The following ACTR3C variants were observed in gnomAD, a reference collection of about 807,000 sequenced individuals.
ACTR3C encodes the protein actin related protein 3C.
Under a neutral mutation model 26.3 loss-of-function variants are expected in ACTR3C, and 18 were observed. The observed-to-expected ratio is 0.68, with a 90% CI of 0.47 to 1.01. The LOEUF (loss-of-function observed/expected upper bound fraction) is 1.01, where lower values mean the gene tolerates loss of function less well. ACTR3C is among the 50% of genes least tolerant of loss of function. ACTR3C has a pLI of 0.00. For missense variants in ACTR3C, 184 were observed against 250.7 expected, an observed-to-expected ratio of 0.73 and a Z score of 1.80; for synonymous variants, 55 against 94.5, an observed-to-expected ratio of 0.58 and a Z score of 2.42.
At chr7:149,909,130 G>A in the ACTR3C span, among the ~76,000 whole-genome samples, 1 of 151,352 alleles carries the variant, frequency 6.6e-6, no homozygotes, top group Non-Finnish European at 1.5e-5. Flanking sequence ...GACTCCTACA[G>A]GAAATAAAGA....
chr7:150,235,673 C>A, the ACTR3C span, among the ~76,000 whole-genome samples: 3 of 152,116 alleles, frequency 2.0e-5, no homozygotes, highest in South Asian at 2.1e-4. Context: ...ATTCGGCTAC[C>A]AATTTAGCTT....
the ACTR3C span, among the ~76,000 whole-genome samples, chr7:150,115,302 C>T: frequency 1.3e-5 from 2 of 152,202 alleles, no homozygotes; most frequent in African/African-American, 4.8e-5. Flanking sequence ...TTCTCTCTGA[C>T]CTGGAAGAAT....
At chr7:150,196,282 T>C in the ACTR3C span, among the ~76,000 whole-genome samples, 4 of 152,376 alleles carry the variant, frequency 2.6e-5, no homozygotes, top group East Asian at 3.9e-4. Flanking sequence ...AACTCATGGA[T>C]GCTCTGTTCC....
the ACTR3C span, among the ~76,000 whole-genome samples, chr7:149,958,836 T>C: frequency 2.4e-4 from 36 of 152,232 alleles, no homozygotes; most frequent in African/African-American, 7.5e-4. Context: ...AGAAGCCAAG[T>C]TGGCATCTTA....
chr7:150,295,504 G>A (rs1402574576), intron 1 of ACTR3C, among the ~76,000 whole-genome samples, 157 bp from the exon 2 acceptor site: 1 of 152,294 alleles, frequency 6.6e-6, no homozygotes, highest in Non-Finnish European at 1.5e-5. Flanking sequence ...AAAGAAATCT[G>A]GCCGTGGGCC....
the ACTR3C span, among the ~76,000 whole-genome samples, chr7:150,055,491 GT>G: frequency 0.17 from 23,822 of 141,648 alleles, 1,901 homozygotes; most frequent in South Asian, 0.24. Flanking sequence ...GAGGGAGGGA[GT>G]TTTTTTTTTT....
the ACTR3C span, among the ~76,000 whole-genome samples, chr7:149,915,076 C>T: frequency 1.3e-5 from 2 of 152,182 alleles, no homozygotes; most frequent in South Asian, 2.1e-4. Context: ...AACGGGGTTT[C>T]ACCATGTTGG....
intron 1 of ACTR3C, among the ~76,000 whole-genome samples, chr7:150,296,602 A>G (rs1009475312): frequency 4.1e-5 from 6 of 144,732 alleles, no homozygotes; most frequent in African/African-American, 1.6e-4. Flanking sequence ...AAAACTGAAA[A>G]AATAAAAAGT....
At chr7:150,073,080 C>T in the ACTR3C span, among the ~76,000 whole-genome samples, 1,360 of 152,184 alleles carry the variant, frequency 8.9e-3, 17 homozygotes, top group African/African-American at 0.031. Context: ...TCCCCTGAAG[C>T]GATGGTGTTA....
At chr7:150,033,355 C>T in the ACTR3C span, among the ~76,000 whole-genome samples, 4 of 152,234 alleles carry the variant, frequency 2.6e-5, no homozygotes, top group Non-Finnish European at 4.4e-5. Flanking sequence ...TAGCTGTGCT[C>T]TGTCCCTGGA....
chr7:150,196,636 TCTC>T, the ACTR3C span, among the ~76,000 whole-genome samples: 1 of 152,204 alleles, frequency 6.6e-6, no homozygotes, highest in Non-Finnish European at 1.5e-5. Flanking sequence ...TAGCTGAACA[TCTC>T]CTGCAGAATA....
intron 6 of ACTR3C, among the ~76,000 whole-genome samples, chr7:150,263,981 G>A (rs1290743686): frequency 2.0e-5 from 3 of 152,216 alleles, no homozygotes; most frequent in Non-Finnish European, 4.4e-5. Flanking sequence ...TCTCAGCGGG[G>A]GCTAAGGCAG....
the ACTR3C span, among the ~76,000 whole-genome samples, chr7:149,975,411 G>T: frequency 6.6e-6 from 1 of 151,994 alleles, no homozygotes; most frequent in South Asian, 2.1e-4. Flanking sequence ...AAGAGTAATT[G>T]GAAGGAAAAT....
chr7:149,969,371 G>A, the ACTR3C span, among the ~76,000 whole-genome samples: 1 of 151,166 alleles, frequency 6.6e-6, no homozygotes, highest in Admixed American at 6.6e-5. Flanking sequence ...AGCATGACCA[G>A]AAAGCTGGAG....
chr7:150,058,698 C>T, the ACTR3C span, among the ~76,000 whole-genome samples: 4 of 152,130 alleles, frequency 2.6e-5, no homozygotes, highest in African/African-American at 9.7e-5. Context: ...GGGTGGATCA[C>T]GAGGTCAGGA....
the ACTR3C span, among the ~76,000 whole-genome samples, chr7:150,212,820 C>T: frequency 1.3e-5 from 2 of 151,804 alleles, no homozygotes; most frequent in African/African-American, 4.8e-5. Flanking sequence ...AAAACAGCCT[C>T]GTATAATGGA....
the ACTR3C span, among the ~76,000 whole-genome samples, chr7:149,969,269 CTGTGTGTGTGTGTGTGTGTGTGTGTGTG>C: frequency 1.8e-3 from 255 of 141,548 alleles, no homozygotes; most frequent in African/African-American, 6.4e-3. Flanking sequence ...TCAGAAAGAG[CTGTGTGTGTGTGTGTGTGTGTGTGTGTG>C]TGTGTGTGTG....
intron 1 of ACTR3C, among the ~76,000 whole-genome samples, chr7:150,308,334 G>C (rs1795977545): frequency 6.6e-6 from 1 of 152,064 alleles, no homozygotes; most frequent in Non-Finnish European, 1.5e-5. Flanking sequence ...TAAAACCTAA[G>C]AGTCTTATTT....
At chr7:149,934,050 G>A in the ACTR3C span, among the ~76,000 whole-genome samples, 1 of 143,754 alleles carries the variant, frequency 7.0e-6, no homozygotes, top group Admixed American at 7.1e-5. Context: ...GTTCCTTACA[G>A]CACTAGCAAT....
Sources: gnomAD v4.1 joint callset for allele counts (sites outside exome capture counted in the v4.1 genomes callset) on GRCh38, gnomAD v4.1.1 for gene constraint, MANE v1.5 for transcripts, NCBI Gene and HGNC (gene_info 2026-07-23, HGNC 2026-07-21) for gene names.